Variants in SOX5 observed in about 807,000 individuals in gnomAD.
SOX5 encodes SRY-box transcription factor 5.
SOX5 carries 9 observed loss-of-function variants against 92.0 expected under a neutral mutation model. The observed-to-expected ratio is 0.10, with a 90% confidence interval of 0.06 to 0.17. The LOEUF is 0.17. Among genes scored for constraint, SOX5 ranks in the 10% least tolerant of loss-of-function variants. The pLI is 1.00. For missense variants in SOX5, 642 were observed against 944.5 expected (o/e 0.68, Z 4.20); for synonymous variants, 344 against 336.3 (o/e 1.02, Z -0.25).
At chr12:24,023,765 T>G (rs1311836359) in intron 4 of SOX5, among the ~76,000 whole-genome samples, 1 of 152,102 alleles carries the variant, frequency 6.6e-6, no homozygotes, top group Non-Finnish European at 1.5e-5. Flanking sequence ...TTTATTTATC[T>G]TTTAAAAACT....
intron 12 of SOX5, among the ~76,000 whole-genome samples, chr12:23,543,909 T>C (rs752459745): frequency 4.6e-5 from 7 of 152,184 alleles, no homozygotes; most frequent in Non-Finnish European, 1.0e-4. Context: ...AAAAACAATA[T>C]AGGTATTTCC....
In SOX5 at chr12:24,225,474, CA is replaced by C. The variant is rs1961687877; in HGVS notation, c.-76-12058del. Among the ~76,000 whole-genome samples, 7 of 68,142 alleles carry C rather than the reference CA, an allele frequency of 1.0e-4. No homozygotes were observed. In the South Asian group the frequency reaches 3.2e-3, roughly 31 times the overall value. 44.7% of individuals were successfully genotyped at this position (68,142 alleles called of 152,430 possible). A position where few individuals can be genotyped will look rare whatever the true frequency, so the allele number is the denominator to read the frequency against. On this transcript the variant is annotated intron_variant, in intron 3 of 4. Transcript: ENST00000446891. Reference sequence around the variant, plus strand: ...ATTAGTTGAGTAAATTAACAATTATCAGAGGTTTTTTTTTTTTTTCCCCACT... The same window carrying C: ...ATTAGTTGAGTAAATTAACAATTATCGAGGTTTTTTTTTTTTTTCCCCACT...
At position 23,630,491 on chromosome 12, in the gene SOX5, C is replaced by T. The variant is rs182489902; in HGVS notation, c.1017+10321G>A. 6.0e-4 allele frequency among the ~76,000 whole-genome samples: 91 copies of T among 151,938 alleles called. 1 individual carries two copies. Among genetic ancestry groups the T allele is most frequent in the African/African-American group, 1.7e-3 (70 of 41,494 alleles). Reference sequence around the variant, plus strand: ...AACACACTTTAGTGCTGCTCTGAAACGTAAGGAAAGTCTGCCATGCCCTAA... The same window carrying T: ...AACACACTTTAGTGCTGCTCTGAAATGTAAGGAAAGTCTGCCATGCCCTAA... On this transcript the variant is annotated intron_variant, in intron 8 of 14. Coordinates refer to ENST00000451604, the MANE Select transcript of SOX5 (RefSeq NM_006940.6).
chr12:24,520,056 C>T (rs1390833696), intron 1 of SOX5, among the ~76,000 whole-genome samples: 1 of 151,244 alleles, frequency 6.6e-6, no homozygotes, highest in African/African-American at 2.4e-5. Flanking sequence ...AAAAAACCTG[C>T]CAATCAAGAA....
intron 2 of SOX5, among the ~76,000 whole-genome samples, chr12:23,882,138 G>A (rs889109783): frequency 2.6e-5 from 4 of 152,070 alleles, no homozygotes; most frequent in Non-Finnish European, 5.9e-5. Context: ...TCTAACAGGC[G>A]AGCTGTTATA....
intron 4 of SOX5, among the ~76,000 whole-genome samples, chr12:24,115,164 C>G (rs928042424): frequency 2.6e-5 from 4 of 152,012 alleles, no homozygotes; most frequent in African/African-American, 9.7e-5. Flanking sequence ...AGCAGAAGAA[C>G]TCAATACATA....
chr12:24,182,727 T>C (rs930233881), intron 4 of SOX5, among the ~76,000 whole-genome samples: 1 of 152,300 alleles, frequency 6.6e-6, no homozygotes, highest in East Asian at 1.9e-4. Context: ...AATTGCTAAT[T>C]CTTTGAGACA....
chr12:24,423,275 G>A (rs1211816001), intron 1 of SOX5, among the ~76,000 whole-genome samples: 1 of 152,152 alleles, frequency 6.6e-6, no homozygotes, highest in Non-Finnish European at 1.5e-5. Context: ...AAAGTCTCAA[G>A]TCTCAATTGA....
At chr12:24,283,357 C>G (rs956280051) in intron 2 of SOX5, among the ~76,000 whole-genome samples, 1 of 152,202 alleles carries the variant, frequency 6.6e-6, no homozygotes, top group East Asian at 1.9e-4. Context: ...AACTTCTTTA[C>G]AGAAGGTCAC....
At chr12:23,857,257 A>T (rs553387450) in intron 2 of SOX5, among the ~76,000 whole-genome samples, 1 of 152,294 alleles carries the variant, frequency 6.6e-6, no homozygotes, top group Non-Finnish European at 1.5e-5. Flanking sequence ...GCAATGGAGA[A>T]CTATTGTTGA....
chr12:24,472,877 T>C (rs1481452204), intron 1 of SOX5, among the ~76,000 whole-genome samples: 1 of 152,036 alleles, frequency 6.6e-6, no homozygotes, highest in East Asian at 1.9e-4. Context: ...ACAATACCTA[T>C]TGTGTTACCT....
chr12:24,288,337 A>G (rs986068204), intron 2 of SOX5, among the ~76,000 whole-genome samples: 3 of 152,150 alleles, frequency 2.0e-5, no homozygotes, highest in Non-Finnish European at 2.9e-5. Flanking sequence ...CATTTAAGCC[A>G]TCTGTTTTTG....
Position 24,524,340 on chromosome 12 carries a change from C to CATCTATCTATCTATCT in SOX5, c.-251+37973_-251+37988dup, listed in dbSNP as rs146131503. ...CCAATTTCCCTAATAAATCCCCTCC[C>CATCTATCTATCTATCT]ATCTATCTATCTATCTATCTATCTA... On this transcript the variant is annotated intron_variant, in intron 1 of 4. Transcript: ENST00000446891. 5.0e-3 allele frequency among the ~76,000 whole-genome samples: 727 copies of CATCTATCTATCTATCT among 145,250 alleles called. 2 individuals carry two copies. Among genetic ancestry groups the CATCTATCTATCTATCT allele is most frequent in the East Asian group, 0.021 (98 of 4,754 alleles).
At position 23,826,988 on chromosome 12, in the gene SOX5, G is replaced by C. The variant is rs571000095; in HGVS notation, c.481+18995C>G. On this transcript the variant is annotated intron_variant, in intron 3 of 14. Transcript: ENST00000451604. The stretch of plus-strand genomic sequence containing the variant: ...TAATAAACAGACATGCTCAATTATT[G>C]TGTGCTTCTGCAGCTACTGATCTCT... Among the ~76,000 whole-genome samples, 126 of 152,272 alleles carry C rather than the reference G, an allele frequency of 8.3e-4. 1 individual carries two copies. The highest frequency in any genetic ancestry group is 1.9e-3 in the Admixed American group (29 of 15,282).
At chr12:23,559,180 T>C (rs930038997) in intron 11 of SOX5, among the ~76,000 whole-genome samples, 2 of 152,196 alleles carry the variant, frequency 1.3e-5, no homozygotes, top group African/African-American at 2.4e-5. Flanking sequence ...CAAGAATCTG[T>C]ACTTGACTCT....
At chr12:24,076,499 A>C (rs1377993718) in intron 4 of SOX5, among the ~76,000 whole-genome samples, 2 of 152,210 alleles carry the variant, frequency 1.3e-5, no homozygotes, top group East Asian at 3.8e-4. Flanking sequence ...ACAATCCAGC[A>C]TTCTGGTTGC....
chr12:24,310,339 C>G (rs1949050705), intron 2 of SOX5, among the ~76,000 whole-genome samples: 1 of 152,152 alleles, frequency 6.6e-6, no homozygotes, highest in Non-Finnish European at 1.5e-5. Flanking sequence ...TTATGTATTA[C>G]GGTTTCTGGG....
chr12:24,559,454 G>A (rs1044397389), intron 1 of SOX5, among the ~76,000 whole-genome samples: 2 of 152,222 alleles, frequency 1.3e-5, no homozygotes, highest in Admixed American at 1.3e-4. Context: ...ATTTTGTCCT[G>A]TAAGTTTTAC....
intron 6 of SOX5, among the ~76,000 whole-genome samples, chr12:23,716,377 A>T (rs920262413): frequency 1.3e-5 from 2 of 152,206 alleles, no homozygotes; most frequent in African/African-American, 4.8e-5. Context: ...CTTATTTCAT[A>T]TGTATGATAA....
Sources: gnomAD v4.1 joint callset for allele counts (sites outside exome capture counted in the v4.1 genomes callset) on GRCh38, gnomAD v4.1.1 for gene constraint, MANE v1.5 for transcripts, NCBI Gene and HGNC (gene_info 2026-07-23, HGNC 2026-07-21) for gene names.